The following ARSB variants were observed in gnomAD, a reference collection of about 807,000 sequenced individuals.
The protein encoded by ARSB is arylsulfatase B.
Under a neutral mutation model 50.9 loss-of-function variants are expected in ARSB, and 41 were observed. That is an observed-to-expected ratio of 0.81 (90% CI 0.63 to 1.04). The LOEUF (loss-of-function observed/expected upper bound fraction) is 1.04, where lower values mean the gene tolerates loss of function less well. ARSB is among the 50% of genes least tolerant of loss of function. The pLI is 0.00. For missense variants in ARSB, 672 were observed against 693.3 expected (o/e 0.97, Z 0.35); for synonymous variants, 269 against 284.8 (o/e 0.94, Z 0.56).
At chr5:78,867,487 C>A (rs557648017) in intron 5 of ARSB, among the ~76,000 whole-genome samples, 1 of 152,220 alleles carries the variant, frequency 6.6e-6, no homozygotes, top group Non-Finnish European at 1.5e-5. Flanking sequence ...GGGTAGACTG[C>A]CTCCACAAGT....
At chr5:78,945,483 C>T (rs168091) in intron 4 of ARSB, among the ~76,000 whole-genome samples, 88,830 of 151,974 alleles carry the variant, frequency 0.58, 25,921 homozygotes, top group East Asian at 0.67. Context: ...TCTGCCTTTA[C>T]TCAAGTGCTC....
At chr5:78,956,395 C>T (rs1294003718) in intron 3 of ARSB, among the ~76,000 whole-genome samples, 1 of 152,024 alleles carries the variant, frequency 6.6e-6, no homozygotes, top group African/African-American at 2.4e-5. Flanking sequence ...TGATTGCTAA[C>T]AGATACAAGG....
At position 78,921,597 on chromosome 5, in the gene ARSB, T is replaced by TA. The variant is rs372061157; in HGVS notation, c.898+33697dup. On this transcript the variant is annotated intron_variant, in intron 4 of 7. Coordinates refer to ENST00000264914, the MANE Select transcript of ARSB (RefSeq NM_000046.5). ...TTAAAATTACATATGTGGAGAAGAT[T>TA]AAAATCATATCATGTATCTTTTCTG... 2.6e-3 allele frequency among the ~76,000 whole-genome samples: 401 copies of TA among 152,364 alleles called. 2 individuals carry two copies. Among genetic ancestry groups the TA allele is most frequent in the African/African-American group, 9.2e-3 (383 of 41,588 alleles).
chr5:78,915,731 A>T (rs1415968989), intron 4 of ARSB, among the ~76,000 whole-genome samples: 1 of 152,202 alleles, frequency 6.6e-6, no homozygotes, highest in African/African-American at 2.4e-5. Flanking sequence ...TGGGGCTGGG[A>T]TCAAATCTAA....
chr5:78,943,133 G>A lies in ARSB; in HGVS notation c.898+12162C>T, dbSNP rs559231444. 3.3e-5 allele frequency among the ~76,000 whole-genome samples: 5 copies of A among 152,090 alleles called. No individual in the cohort carries two copies. In the East Asian group the frequency reaches 7.7e-4, roughly 23 times the overall value. On this transcript the variant is annotated intron_variant, in intron 4 of 7. Transcript: ENST00000264914. The stretch of plus-strand genomic sequence containing the variant: ...CCTTTTTTTGTTTTTCATTTGCTTG[G>A]TAGATCTTCCTCCATCCCTTTATTT...
chr5:78,799,403 T>TA (rs1282497469), intron 6 of ARSB, among the ~76,000 whole-genome samples: 6 of 152,182 alleles, frequency 3.9e-5, no homozygotes, highest in African/African-American at 1.4e-4. Context: ...TGCCAACCGT[T>TA]AGACACTTTA....
intron 4 of ARSB, among the ~76,000 whole-genome samples, chr5:78,945,120 A>G (rs1045788175): frequency 5.0e-4 from 76 of 152,258 alleles, no homozygotes; most frequent in Non-Finnish European, 9.7e-4. Flanking sequence ...TGCTAAGACC[A>G]TTGGAAAAGC....
At chr5:78,862,157 G>C (rs1305074653) in intron 5 of ARSB, among the ~76,000 whole-genome samples, 1 of 152,150 alleles carries the variant, frequency 6.6e-6, no homozygotes, top group Non-Finnish European at 1.5e-5. Flanking sequence ...TCATGGATAG[G>C]AAGAATCAAT....
At chr5:78,825,389 G>A (rs1379802773) in intron 6 of ARSB, among the ~76,000 whole-genome samples, 1 of 151,852 alleles carries the variant, frequency 6.6e-6, no homozygotes, top group Non-Finnish European at 1.5e-5. Flanking sequence ...CTCAATGCAG[G>A]GTAAATGCTG....
chr5:78,918,422 T>G (rs569411326), intron 4 of ARSB, among the ~76,000 whole-genome samples: 38 of 152,340 alleles, frequency 2.5e-4, no homozygotes, highest in African/African-American at 8.7e-4. Flanking sequence ...TTCCTTATTT[T>G]AGAATAGTTT....
At chr5:78,783,015 T>C (rs1748967974) in intron 6 of ARSB, among the ~76,000 whole-genome samples, 1 of 152,184 alleles carries the variant, frequency 6.6e-6, no homozygotes. Flanking sequence ...GCAAGAGTTC[T>C]ACTCTTGTGG....
chr5:78,853,681 G>A (rs1745978104), intron 5 of ARSB, among the ~76,000 whole-genome samples: 1 of 152,236 alleles, frequency 6.6e-6, no homozygotes, highest in Non-Finnish European at 1.5e-5. Context: ...ACAGAGGCAG[G>A]CAGGCCTCCT....
chr5:78,817,053 G>A (rs77801110), intron 6 of ARSB: 85,392 of 981,586 alleles, frequency 0.087, 3,942 homozygotes, highest in East Asian at 0.11. Context: ...ACAGCGATAG[G>A]AAATAAATGC....
At chr5:78,956,304 T>C (rs1033814838) in intron 3 of ARSB, among the ~76,000 whole-genome samples, 1 of 152,130 alleles carries the variant, frequency 6.6e-6, no homozygotes. Context: ...TATATGAAAT[T>C]CCAGAAATAT....
At chr5:78,892,869 G>C (rs1561486482) in intron 4 of ARSB, among the ~76,000 whole-genome samples, 1 of 152,212 alleles carries the variant, frequency 6.6e-6, no homozygotes, top group Non-Finnish European at 1.5e-5. Context: ...TCTTGACTAA[G>C]AGCACCAGCA....
chr5:78,915,234 C>T (rs1749491600), intron 4 of ARSB, among the ~76,000 whole-genome samples: 1 of 151,980 alleles, frequency 6.6e-6, no homozygotes, highest in South Asian at 2.1e-4. Flanking sequence ...TGACCAAGAA[C>T]TACTGCTGCC....
At chr5:78,794,333 A>C (rs566015920) in intron 6 of ARSB, among the ~76,000 whole-genome samples, 54 of 152,310 alleles carry the variant, frequency 3.5e-4, no homozygotes, top group African/African-American at 1.1e-3. Flanking sequence ...GGAAAAAAAA[A>C]CACACAGAAT....
intron 6 of ARSB, among the ~76,000 whole-genome samples, chr5:78,802,246 C>T (rs550562373): frequency 1.3e-5 from 2 of 152,118 alleles, no homozygotes; most frequent in African/African-American, 4.8e-5. Flanking sequence ...CAGGGCAACC[C>T]CTGTTCATCT....
intron 6 of ARSB, among the ~76,000 whole-genome samples, chr5:78,831,374 C>T (rs1043189591): frequency 2.6e-5 from 4 of 152,034 alleles, no homozygotes; most frequent in African/African-American, 9.7e-5. Context: ...ATACAAGGCA[C>T]TGACAGGGCT....
Sources: allele counts gnomAD v4.1 joint callset (sites outside exome capture counted in the v4.1 genomes callset), GRCh38; gene constraint gnomAD v4.1.1; transcripts MANE v1.5; gene names NCBI Gene and HGNC (gene_info 2026-07-23, HGNC 2026-07-21).